Variants in SNTG1 observed in about 807,000 individuals in gnomAD.
SNTG1 encodes the protein syntrophin gamma 1, also known as gamma-1-syntrophin.
SNTG1 carries 39 observed loss-of-function variants against 74.7 expected under a neutral mutation model. That is an observed-to-expected ratio of 0.52 (90% CI 0.40 to 0.68). SNTG1 has a LOEUF of 0.68. Ranked by LOEUF, SNTG1 falls within the 30% of genes least tolerant of loss-of-function variation. The probability of loss-of-function intolerance (pLI) is 0.00; values close to 1 mark genes in which losing one functional copy is unlikely to be tolerated. For missense variants in SNTG1, 685 were observed against 609.5 expected (o/e 1.12, Z -1.30); for synonymous variants, 254 against 217.1 (o/e 1.17, Z -1.49).
intron 4 of SNTG1, among the ~76,000 whole-genome samples, chr8:50,423,438 C>A (rs1430516431): frequency 6.6e-6 from 1 of 152,056 alleles, no homozygotes; most frequent in Non-Finnish European, 1.5e-5. Flanking sequence ...TTTAATTATC[C>A]CTTTCCAAAA....
intron 2 of SNTG1, among the ~76,000 whole-genome samples, chr8:50,310,369 G>A (rs977058191): frequency 2.0e-5 from 3 of 152,186 alleles, no homozygotes; most frequent in African/African-American, 7.2e-5. Context: ...ATTTCAAGAA[G>A]CTTAAACAGT....
At chr8:50,209,996 T>C (rs2084436471) in intron 2 of SNTG1, among the ~76,000 whole-genome samples, 1 of 152,080 alleles carries the variant, frequency 6.6e-6, no homozygotes. Context: ...ATTAGACGAA[T>C]GGCTAACTAG....
chr8:50,372,597 A>C (rs1281951115), intron 2 of SNTG1, among the ~76,000 whole-genome samples: 9 of 152,146 alleles, frequency 5.9e-5, no homozygotes, highest in Admixed American at 5.9e-4. Context: ...ATTTAACTTT[A>C]TATAATTTTA....
chr8:50,033,506 C>A (rs772654060), intron 1 of SNTG1, among the ~76,000 whole-genome samples: 1 of 152,160 alleles, frequency 6.6e-6, no homozygotes. Context: ...ACAAACACCA[C>A]GGACTGAGCA....
chr8:50,055,222 T>G (rs1819922457), intron 1 of SNTG1, among the ~76,000 whole-genome samples: 1 of 152,110 alleles, frequency 6.6e-6, no homozygotes, highest in Non-Finnish European at 1.5e-5. Context: ...ACCCCCAAGT[T>G]GGTGAGAGAA....
chr8:50,358,159 T>G (rs2091869439), intron 2 of SNTG1, among the ~76,000 whole-genome samples: 1 of 152,180 alleles, frequency 6.6e-6, no homozygotes, highest in Non-Finnish European at 1.5e-5. Flanking sequence ...GCAAGGTTTC[T>G]CTCGGGAACC....
chr8:50,450,664 A>G, intron 7 of SNTG1, 24 bp from the exon 8 acceptor site: 2 of 1,613,442 alleles, frequency 1.2e-6, no homozygotes, highest in Non-Finnish European at 1.7e-6. Flanking sequence ...GCCATGGGAA[A>G]CTATGCTTTT....
intron 1 of SNTG1, among the ~76,000 whole-genome samples, chr8:49,958,063 T>A (rs1364253088): frequency 1.3e-5 from 2 of 152,202 alleles, no homozygotes; most frequent in African/African-American, 4.8e-5. Context: ...AGTTAAAGAT[T>A]TAACTCTTCA....
chr8:50,154,742 C>G (rs1049474065), intron 1 of SNTG1, among the ~76,000 whole-genome samples: 6 of 152,184 alleles, frequency 3.9e-5, no homozygotes, highest in African/African-American at 1.4e-4. Context: ...TCACAACTAT[C>G]AAGGTCATAG....
At chr8:50,231,140 A>G (rs1302996822) in intron 2 of SNTG1, among the ~76,000 whole-genome samples, 2 of 151,472 alleles carry the variant, frequency 1.3e-5, no homozygotes, top group Non-Finnish European at 3.0e-5. Flanking sequence ...AAAATTCAAC[A>G]TCACTAACCA....
intron 9 of SNTG1, among the ~76,000 whole-genome samples, chr8:50,509,181 C>T (rs1318698327): frequency 1.3e-5 from 2 of 152,140 alleles, no homozygotes; most frequent in Middle Eastern, 3.2e-3. Flanking sequence ...ATAGGGAATC[C>T]TTTCCCCATT....
chr8:50,388,600 G>A (rs2092609742), intron 2 of SNTG1, among the ~76,000 whole-genome samples: 1 of 152,112 alleles, frequency 6.6e-6, no homozygotes, highest in South Asian at 2.1e-4. Context: ...TGACTAACAT[G>A]AATGGGATTC....
chr8:50,617,135 C>T lies in SNTG1; in HGVS notation c.849+26218C>T, dbSNP rs537816886. Among the ~76,000 whole-genome samples the T allele has an allele frequency of 8.5e-5, 13 of 152,210 alleles. No individual in the cohort carries two copies. In the South Asian group the frequency reaches 1.0e-3, roughly 12 times the overall value. The stretch of plus-strand genomic sequence containing the variant: ...TCTCACTCATCCTGTTTTACTACTC[C>T]GCATAACACTTATCACTGCCTGAAA... On this transcript the variant is annotated intron_variant, in intron 13 of 18. Transcript: ENST00000642720.
At chr8:50,778,755 G>T (rs1194726024) in intron 18 of SNTG1, among the ~76,000 whole-genome samples, 2 of 150,000 alleles carry the variant, frequency 1.3e-5, no homozygotes, top group Non-Finnish European at 2.9e-5. Context: ...TGCTTTTGGT[G>T]TTTTAGACAT....
chr8:50,192,004 C>A (rs944980793), intron 2 of SNTG1, among the ~76,000 whole-genome samples: 1 of 152,050 alleles, frequency 6.6e-6, no homozygotes, highest in Non-Finnish European at 1.5e-5. Context: ...CCAAATATCA[C>A]CATATTGTTT....
chr8:50,393,073 G>C (rs911032190), intron 2 of SNTG1, among the ~76,000 whole-genome samples: 29 of 151,988 alleles, frequency 1.9e-4, no homozygotes, highest in Non-Finnish European at 1.0e-4. Flanking sequence ...AAATGTTTAA[G>C]AGCAATTTTG....
intron 11 of SNTG1, among the ~76,000 whole-genome samples, chr8:50,538,559 T>C (rs2094323973): frequency 6.6e-6 from 1 of 152,198 alleles, no homozygotes; most frequent in African/African-American, 2.4e-5. Flanking sequence ...CAGTGTCCCC[T>C]GTAAGTAATA....
intron 18 of SNTG1, among the ~76,000 whole-genome samples, chr8:50,773,551 A>T (rs925411871): frequency 1.3e-5 from 2 of 152,162 alleles, no homozygotes; most frequent in African/African-American, 4.8e-5. Context: ...GATGACCAAG[A>T]AGCTAAATAG....
chr8:50,324,301 T>G (rs1478298132), intron 2 of SNTG1, among the ~76,000 whole-genome samples: 1 of 152,226 alleles, frequency 6.6e-6, no homozygotes, highest in Non-Finnish European at 1.5e-5. Context: ...CTCCCCAAGA[T>G]GCACAGATTC....
Sources: gnomAD v4.1 joint callset for allele counts (sites outside exome capture counted in the v4.1 genomes callset) on GRCh38, gnomAD v4.1.1 for gene constraint, MANE v1.5 for transcripts, NCBI Gene and HGNC (gene_info 2026-07-23, HGNC 2026-07-21) for gene names.